RASGRF2: variants seen among roughly 807,000 people sequenced by gnomAD.
RASGRF2 encodes the protein ras-specific guanine nucleotide-releasing factor 2.
Under a neutral mutation model 151.0 loss-of-function variants are expected in RASGRF2, and 76 were observed. The ratio of observed to expected loss-of-function variants is 0.50; its 90% CI spans 0.42 to 0.61. RASGRF2 has a LOEUF of 0.61. Ranked by LOEUF, RASGRF2 falls within the 20% of genes least tolerant of loss-of-function variation. RASGRF2 has a pLI of 0.00. For missense variants in RASGRF2, 1,148 were observed against 1,564.6 expected (o/e 0.73, Z 4.49); for synonymous variants, 504 against 566.5 (o/e 0.89, Z 1.57).
At chr5:81,097,213 G>T (rs576594236) in intron 12 of RASGRF2, among the ~76,000 whole-genome samples, 2 of 152,146 alleles carry the variant, frequency 1.3e-5, no homozygotes, top group South Asian at 2.1e-4. Context: ...CTCCCGCCTC[G>T]GCCTCCCAAA....
In RASGRF2 at chr5:81,113,880, C is replaced by T. The variant is rs776933646; in HGVS notation, c.2430C>T (p.Arg810=). The change falls in exon 15 of 27, where the codon CGC becomes CGT. Residue 810 remains arginine (R), a synonymous_variant. Transcript: ENST00000265080. ...GTVEENVDNP[R]VDLCNKLKRS... ...TAGAAGAGAATGTCGATAACCCACG[C>T]GTGGATCTGTGTAACAAGCTAAAAC... is the stretch of plus-strand genomic sequence containing the variant. 1.9e-5 allele frequency: 30 copies of T among 1,614,158 alleles called. No individual in the cohort carries two copies. The highest frequency in any genetic ancestry group is 3.3e-4 in the Middle Eastern group (2 of 6,062).
At chr5:81,213,040 TCTCAG>T (rs1010382259) in intron 23 of RASGRF2, among the ~76,000 whole-genome samples, 13 of 152,224 alleles carry the variant, frequency 8.5e-5, no homozygotes, top group African/African-American at 3.1e-4. Flanking sequence ...CTTTCATTAA[TCTCAG>T]CTTGCCTATG....
intron 5 of RASGRF2, among the ~76,000 whole-genome samples, chr5:81,077,762 G>C (rs1298764038): frequency 6.6e-6 from 1 of 152,198 alleles, no homozygotes; most frequent in Non-Finnish European, 1.5e-5. Flanking sequence ...GAACTGGAGA[G>C]GGTGGGTATT....
intron 18 of RASGRF2, among the ~76,000 whole-genome samples, chr5:81,199,165 T>C (rs1389264463): frequency 6.6e-6 from 1 of 152,268 alleles, no homozygotes; most frequent in Non-Finnish European, 1.5e-5. Context: ...TAATGCCCTT[T>C]TAAAGCATTC....
At chr5:81,080,058 G>A in intron 5 of RASGRF2, 63 bp from the exon 6 acceptor site, 1 of 1,544,060 alleles carries the variant, frequency 6.5e-7, no homozygotes, top group Non-Finnish European at 8.7e-7. Flanking sequence ...TAAGGACTCT[G>A]GATTTTAAAC....
chr5:81,070,699 G>A, intron 4 of RASGRF2, 118 bp downstream of exon 4: 2 of 788,536 alleles, frequency 2.5e-6, no homozygotes, highest in Non-Finnish European at 4.1e-6. Context: ...CTGGGCTATG[G>A]CTCCCAGACT....
chr5:81,035,366 A>G (rs1750447674), intron 1 of RASGRF2, among the ~76,000 whole-genome samples: 1 of 152,228 alleles, frequency 6.6e-6, no homozygotes, highest in Non-Finnish European at 1.5e-5. Context: ...ACAAGGACAG[A>G]AAATCAAACA....
intron 12 of RASGRF2, among the ~76,000 whole-genome samples, chr5:81,098,068 G>T (rs1020614071): frequency 2.0e-5 from 3 of 152,220 alleles, no homozygotes; most frequent in Non-Finnish European, 4.4e-5. Flanking sequence ...CATGGCAGGA[G>T]TGGAGTTGGA....
At chr5:81,014,722 T>C (rs1463428516) in intron 1 of RASGRF2, among the ~76,000 whole-genome samples, 1 of 152,168 alleles carries the variant, frequency 6.6e-6, no homozygotes, top group Non-Finnish European at 1.5e-5. Flanking sequence ...CCTGAAAATA[T>C]TCTTAGGGAG....
intron 15 of RASGRF2, among the ~76,000 whole-genome samples, chr5:81,121,117 C>T (rs1354210688): frequency 2.0e-5 from 3 of 151,916 alleles, no homozygotes; most frequent in Non-Finnish European, 2.9e-5. Context: ...TGTGTGATGT[C>T]TGTAAGAGCC....
chr5:80,988,784 G>A (rs575261107), intron 1 of RASGRF2, among the ~76,000 whole-genome samples: 1 of 152,212 alleles, frequency 6.6e-6, no homozygotes, highest in African/African-American at 2.4e-5. Context: ...ATAACGTCTG[G>A]CACATAACGA....
In RASGRF2 at chr5:81,085,843, C is replaced by G. The variant is rs1262361104; in HGVS notation, c.1203C>G (p.His401Gln). Reference sequence around the variant, plus strand: ...TCACACTCCATGAGCTCCTTGCTCACACACCCCATGAGCATGTGGAAAGGA... The same window carrying G: ...TCACACTCCATGAGCTCCTTGCTCAGACACCCCATGAGCATGTGGAAAGGA... The part of the protein sequence containing the change: ...YIITLHELLA[H>Q]TPHEHVERKS... Residue 401 changes from histidine to glutamine, a missense_variant, in exon 8 of 27, where the codon CAC (histidine) becomes CAG (glutamine). Around this residue, in one of 5 missense-constraint regions of RASGRF2, gnomAD observed 176 missense variants for 309.6 expected, o/e 0.57. Coordinates refer to ENST00000265080, the MANE Select transcript of RASGRF2 (RefSeq NM_006909.3). 6.2e-7 allele frequency: 1 copy of G among 1,614,134 alleles called. No individual in the cohort carries two copies. Among genetic ancestry groups the G allele is most frequent in the South Asian group, 1.1e-5 (1 of 91,086 alleles).
At chr5:81,044,179 A>C (rs927514839) in intron 2 of RASGRF2, among the ~76,000 whole-genome samples, 1 of 152,132 alleles carries the variant, frequency 6.6e-6, no homozygotes, top group Middle Eastern at 3.2e-3. Flanking sequence ...GCACTTTGGG[A>C]GGCTGAAGTG....
chr5:81,057,435 G>A (rs565102241), intron 2 of RASGRF2, among the ~76,000 whole-genome samples: 2 of 152,124 alleles, frequency 1.3e-5, no homozygotes, highest in Non-Finnish European at 2.9e-5. Context: ...GATAACTAAG[G>A]TCTGTAATTT....
At chr5:81,005,663 C>G (rs1360940505) in intron 1 of RASGRF2, among the ~76,000 whole-genome samples, 1 of 152,140 alleles carries the variant, frequency 6.6e-6, no homozygotes. Context: ...TGGGTAGTTT[C>G]TGCTATTTGA....
intron 1 of RASGRF2, among the ~76,000 whole-genome samples, chr5:80,975,026 C>A (rs1444382299): frequency 6.6e-6 from 1 of 152,026 alleles, no homozygotes; most frequent in Non-Finnish European, 1.5e-5. Context: ...TATAGCCTTC[C>A]CAGAGTCTTC....
chr5:80,980,827 C>T (rs927924436), intron 1 of RASGRF2, among the ~76,000 whole-genome samples: 10 of 152,064 alleles, frequency 6.6e-5, no homozygotes, highest in African/African-American at 2.2e-4. Flanking sequence ...TTGTAGGGAG[C>T]GTCTCTGTAA....
intron 1 of RASGRF2, among the ~76,000 whole-genome samples, chr5:81,003,600 G>C (rs1000215488): frequency 5.9e-5 from 9 of 152,160 alleles, no homozygotes; most frequent in African/African-American, 1.9e-4. Flanking sequence ...GGCCTCAAGT[G>C]ATCCTCCTGC....
chr5:81,145,664 C>G (rs1282124965), intron 17 of RASGRF2, among the ~76,000 whole-genome samples: 1 of 152,158 alleles, frequency 6.6e-6, no homozygotes, highest in Non-Finnish European at 1.5e-5. Context: ...AAACTAGGAA[C>G]TAGGTCTTCT....
Sources: allele counts gnomAD v4.1 joint callset (sites outside exome capture counted in the v4.1 genomes callset), GRCh38; gene constraint gnomAD v4.1.1; regional missense constraint gnomAD v4.1.1; transcripts MANE v1.5; gene names NCBI Gene and HGNC (gene_info 2026-07-23, HGNC 2026-07-21).